CDH13: variants seen among roughly 807,000 people sequenced by gnomAD.
The protein encoded by CDH13 is cadherin 13, also known as cadherin-13.
Under a neutral mutation model 63.8 loss-of-function variants are expected in CDH13, and 24 were observed. That is an observed-to-expected ratio of 0.38 (90% CI 0.27 to 0.53). The LOEUF (loss-of-function observed/expected upper bound fraction) is 0.53. Among genes scored for constraint, CDH13 ranks in the 20% least tolerant of loss-of-function variants. The probability of loss-of-function intolerance (pLI) is 0.85; values close to 1 mark genes in which losing one functional copy is unlikely to be tolerated. For synonymous variants in CDH13, 503 were observed against 355.3 expected (o/e 1.42, Z -4.67); for missense variants, 1,049 against 903.1 (o/e 1.16, Z -2.07).
At chr16:83,527,765 T>TA (rs1220450557) in intron 7 of CDH13, among the ~76,000 whole-genome samples, 1 of 152,218 alleles carries the variant, frequency 6.6e-6, no homozygotes, top group Non-Finnish European at 1.5e-5. Flanking sequence ...CAGCACCTAT[T>TA]ACGGTTGTTG....
intron 2 of CDH13, among the ~76,000 whole-genome samples, chr16:82,929,742 C>T (rs1029289109): frequency 4.1e-5 from 6 of 147,886 alleles, no homozygotes; most frequent in Non-Finnish European, 7.4e-5. Flanking sequence ...CTTGCTGGTG[C>T]CTTGATCTTG....
At chr16:83,610,837 C>G (rs1367492683) in intron 8 of CDH13, among the ~76,000 whole-genome samples, 1 of 152,182 alleles carries the variant, frequency 6.6e-6, no homozygotes, top group Non-Finnish European at 1.5e-5. Context: ...TGGGGTATAT[C>G]TACAGGTGAA....
chr16:83,739,435 G>T (rs191107342), intron 10 of CDH13, among the ~76,000 whole-genome samples: 1 of 152,262 alleles, frequency 6.6e-6, no homozygotes, highest in Non-Finnish European at 1.5e-5. Flanking sequence ...CCTTTTTTCT[G>T]TGCTGTTTTC....
intron 2 of CDH13, among the ~76,000 whole-genome samples, chr16:82,977,447 C>G (rs530318656): frequency 4.3e-4 from 66 of 152,250 alleles, no homozygotes; most frequent in African/African-American, 1.5e-3. Context: ...TGGGAGGAAC[C>G]TAGTGGGAGG....
At chr16:83,340,171 T>G (rs2090689658) in intron 5 of CDH13, among the ~76,000 whole-genome samples, 1 of 152,234 alleles carries the variant, frequency 6.6e-6, no homozygotes, top group Non-Finnish European at 1.5e-5. Flanking sequence ...AAAATATGAT[T>G]TTTAAGCATT....
rs538206338 is a variant in CDH13, at chr16:82,866,377, C to CTTTTTTTTTT, written c.157+7924_157+7933dup. 2.1e-3 allele frequency among the ~76,000 whole-genome samples: 121 copies of CTTTTTTTTTT among 58,324 alleles called. 9 individuals carry two copies. Among genetic ancestry groups the CTTTTTTTTTT allele is most frequent in the Admixed American group, 2.9e-3 (11 of 3,756 alleles). The allele number at this position is 58,324 out of a possible 152,430, so 38.3% of individuals were successfully genotyped here. The stretch of plus-strand genomic sequence containing the variant: ...TCTGTTTTCTTTTCTTTTTCTTCTT[C>CTTTTTTTTTT]TTTTTTTTTTTTTTTTTTTTTTTTT... On this transcript the variant is annotated intron_variant, in intron 2 of 13. Transcript: ENST00000567109.
chr16:83,597,537 T>G (rs1907383884), intron 7 of CDH13, among the ~76,000 whole-genome samples: 1 of 152,094 alleles, frequency 6.6e-6, no homozygotes, highest in African/African-American at 2.4e-5. Context: ...CTCTCACAGG[T>G]GGGGTTGGGC....
intron 1 of CDH13, among the ~76,000 whole-genome samples, chr16:82,730,847 T>A (rs1252065575): frequency 1.3e-5 from 2 of 152,228 alleles, no homozygotes; most frequent in East Asian, 1.9e-4. Context: ...TTTTCATGAA[T>A]TTTTCAAATG....
intron 4 of CDH13, among the ~76,000 whole-genome samples, chr16:83,210,067 T>TTTTG (rs970228181): frequency 1.3e-5 from 2 of 150,900 alleles, no homozygotes; most frequent in Admixed American, 6.6e-5. Flanking sequence ...ATGGGGTGTT[T>TTTTG]TTTGTTTGTT....
At chr16:82,751,703 T>TAA (rs33998437) in intron 1 of CDH13, among the ~76,000 whole-genome samples, 36 of 139,964 alleles carry the variant, frequency 2.6e-4, no homozygotes, top group African/African-American at 4.7e-4. Context: ...GGAAAACAGG[T>TAA]AAAAAAAAAA....
chr16:83,118,927 C>T (rs2035436917), intron 3 of CDH13, among the ~76,000 whole-genome samples: 1 of 152,132 alleles, frequency 6.6e-6, no homozygotes, highest in African/African-American at 2.4e-5. Flanking sequence ...TTTCCTCTGA[C>T]CCCTTCTTCC....
intron 2 of CDH13, among the ~76,000 whole-genome samples, chr16:82,966,531 G>T (rs1229714063): frequency 1.3e-5 from 2 of 152,092 alleles, no homozygotes; most frequent in African/African-American, 4.8e-5. Flanking sequence ...AGTCAATCTG[G>T]GCTCAAACAT....
chr16:83,593,588 G>A (rs7192607), intron 7 of CDH13, among the ~76,000 whole-genome samples: 108,330 of 150,474 alleles, frequency 0.72, 39,154 homozygotes, highest in Middle Eastern at 0.8. Context: ...GTATATTTAT[G>A]TAATAGTGTA....
At chr16:83,118,972 C>A (rs1438174387) in intron 3 of CDH13, among the ~76,000 whole-genome samples, 3 of 152,194 alleles carry the variant, frequency 2.0e-5, no homozygotes, top group African/African-American at 7.2e-5. Context: ...TCCCATTTAA[C>A]TGAAGAACTT....
At chr16:83,744,710 C>T (rs752324987) in intron 10 of CDH13, among the ~76,000 whole-genome samples, 8 of 152,170 alleles carry the variant, frequency 5.3e-5, no homozygotes, top group Admixed American at 1.3e-4. Flanking sequence ...GAGGGCGCCC[C>T]GCACAAGACC....
intron 1 of CDH13, among the ~76,000 whole-genome samples, chr16:82,648,026 T>A (rs1462394564): frequency 6.6e-6 from 1 of 152,214 alleles, no homozygotes; most frequent in Non-Finnish European, 1.5e-5. Flanking sequence ...GCACATGCTC[T>A]CTTGCCTGCT....
At chr16:82,726,425 C>T (rs1567470614) in intron 1 of CDH13, among the ~76,000 whole-genome samples, 1 of 152,168 alleles carries the variant, frequency 6.6e-6, no homozygotes, top group Non-Finnish European at 1.5e-5. Flanking sequence ...TTTCATGGAC[C>T]ACAAACTGTT....
chr16:83,042,144 T>C (rs1335830837), intron 3 of CDH13, among the ~76,000 whole-genome samples: 1 of 152,226 alleles, frequency 6.6e-6, no homozygotes, highest in African/African-American at 2.4e-5. Flanking sequence ...CTTTACTTTA[T>C]TTCTTTAAAA....
intron 4 of CDH13, among the ~76,000 whole-genome samples, chr16:83,179,381 C>T (rs1014184946): frequency 5.3e-5 from 8 of 150,912 alleles, no homozygotes; most frequent in Non-Finnish European, 8.8e-5. Flanking sequence ...CGGTGGCTCA[C>T]GCCTGGAATC....
Sources: allele counts gnomAD v4.1 joint callset (sites outside exome capture counted in the v4.1 genomes callset), GRCh38; gene constraint gnomAD v4.1.1; transcripts MANE v1.5; gene names NCBI Gene and HGNC (gene_info 2026-07-23, HGNC 2026-07-21).